The following NTN1 variants were observed in gnomAD, a reference collection of about 807,000 sequenced individuals.
NTN1 encodes the protein netrin-1.
NTN1 carries 11 observed loss-of-function variants against 54.2 expected under a neutral mutation model. The observed-to-expected ratio is 0.20, with a 90% confidence interval of 0.13 to 0.34. The LOEUF is 0.34. Ranked by LOEUF, NTN1 falls within the 10% of genes least tolerant of loss-of-function variation. The probability of loss-of-function intolerance (pLI) is 1.00; values close to 1 mark genes in which losing one functional copy is unlikely to be tolerated. For synonymous variants in NTN1, 371 were observed against 382.0 expected, an observed-to-expected ratio of 0.97 and a Z score of 0.33; for missense variants, 740 against 893.1, an observed-to-expected ratio of 0.83 and a Z score of 2.18.
At chr17:9,003,809 GA>G in the NTN1 span, among the ~76,000 whole-genome samples, 13 of 152,178 alleles carry the variant, frequency 8.5e-5, 1 homozygote, top group African/African-American at 4.8e-5. The surrounding 1 kb of genome is among the most constrained non-coding windows in gnomAD (Gnocchi z 7.4). Flanking sequence ...ACAGAGGTGG[GA>G]AGAAAGGCTT....
intron 2 of NTN1, among the ~76,000 whole-genome samples, chr17:9,147,017 C>A (rs1323274130): frequency 6.6e-6 from 1 of 152,158 alleles, no homozygotes; most frequent in Non-Finnish European, 1.5e-5. Flanking sequence ...AAGGCCTGTT[C>A]AGAGGATGTT....
intron 2 of NTN1, among the ~76,000 whole-genome samples, chr17:9,055,756 CT>C (rs1427394300): frequency 1.3e-5 from 2 of 152,136 alleles, no homozygotes; most frequent in Non-Finnish European, 2.9e-5. Context: ...GGGTCTCACT[CT>C]GTTGCCCACA....
chr17:9,234,611 G>A (rs1476087476), intron 6 of NTN1, among the ~76,000 whole-genome samples: 1 of 152,216 alleles, frequency 6.6e-6, no homozygotes, highest in Admixed American at 6.5e-5. Flanking sequence ...CCCTGGTTTT[G>A]TCTGCACTGA....
rs1032385462 is a variant in NTN1 at position 9,240,205 on chromosome 17, G to A, written c.*237G>A. On this transcript the variant is annotated 3_prime_UTR_variant, in exon 7 of 7. Transcript: ENST00000173229. ...GCGGGGCGGGGTGCGCCGCCGGCCG[G>A]GCCCTGGAGAAATGACGAGACGTAG... The A allele has an allele frequency of 6.3e-6, 1 of 159,218 alleles. No individual in the cohort carries two copies. Among genetic ancestry groups the A allele is most frequent in the African/African-American group, 2.4e-5 (1 of 41,532 alleles). 9.9% of individuals were successfully genotyped at this position (159,218 alleles called of 1,614,324 possible).
chr17:9,079,026 G>C (rs762216922), intron 2 of NTN1, among the ~76,000 whole-genome samples: 1 of 152,230 alleles, frequency 6.6e-6, no homozygotes. Context: ...TGGCTCCTCA[G>C]CCTCTCCCTC....
intron 2 of NTN1, among the ~76,000 whole-genome samples, chr17:9,026,187 A>G (rs1188090094): frequency 1.3e-5 from 2 of 152,210 alleles, no homozygotes; most frequent in African/African-American, 4.8e-5. Context: ...AAATTTACCA[A>G]TTTACCAATA....
At chr17:9,156,958 C>T (rs185523264) in intron 2 of NTN1, among the ~76,000 whole-genome samples, 1 of 151,238 alleles carries the variant, frequency 6.6e-6, no homozygotes, top group African/African-American at 2.4e-5. Context: ...GCATCCCTCC[C>T]TCCCTCCCTC....
intron 6 of NTN1, among the ~76,000 whole-genome samples, chr17:9,231,521 A>G (rs1905810887): frequency 6.6e-6 from 1 of 152,158 alleles, no homozygotes; most frequent in South Asian, 2.1e-4. Flanking sequence ...GTGTGTAGAG[A>G]GTGCATGGAT....
intron 5 of NTN1, among the ~76,000 whole-genome samples, chr17:9,216,188 C>A (rs775362170): frequency 6.6e-6 from 1 of 152,226 alleles, no homozygotes; most frequent in Non-Finnish European, 1.5e-5. Context: ...GAACTCCTAG[C>A]CTCAAGCGAT....
At chr17:9,106,487 T>C (rs75265373) in intron 2 of NTN1, among the ~76,000 whole-genome samples, 26 of 56,226 alleles carry the variant, frequency 4.6e-4, no homozygotes, top group East Asian at 2.0e-3. Context: ...CTTCCTTCCT[T>C]CCTTCCTTCC....
At chr17:9,134,606 G>C (rs925007854) in intron 2 of NTN1, among the ~76,000 whole-genome samples, 4 of 152,212 alleles carry the variant, frequency 2.6e-5, no homozygotes, top group African/African-American at 9.6e-5. Flanking sequence ...CTAACATGCA[G>C]CCGGGGCAGA....
intron 2 of NTN1, among the ~76,000 whole-genome samples, chr17:9,091,180 T>G (rs1408228793): frequency 6.6e-6 from 1 of 152,236 alleles, no homozygotes; most frequent in African/African-American, 2.4e-5. Context: ...AATGGAAACA[T>G]TTTATGTGTC....
At chr17:9,122,002 G>T (rs900628482) in intron 2 of NTN1, among the ~76,000 whole-genome samples, 1 of 151,758 alleles carries the variant, frequency 6.6e-6, no homozygotes, top group Non-Finnish European at 1.5e-5. Flanking sequence ...TTCTCTGTAC[G>T]CATTTGGGGT....
chr17:9,107,810 G>A (rs1324119763), intron 2 of NTN1, among the ~76,000 whole-genome samples: 1 of 152,066 alleles, frequency 6.6e-6, no homozygotes, highest in African/African-American at 2.4e-5. Context: ...AAAACTGCAT[G>A]GGCCGAAAAG....
chr17:9,167,648 A>G (rs1009681146), intron 3 of NTN1, among the ~76,000 whole-genome samples: 1 of 152,218 alleles, frequency 6.6e-6, no homozygotes, highest in African/African-American at 2.4e-5. Flanking sequence ...TAGCCAGGGC[A>G]AAAGCATGCA....
At chr17:9,090,814 C>T (rs1031241928) in intron 2 of NTN1, among the ~76,000 whole-genome samples, 2 of 152,160 alleles carry the variant, frequency 1.3e-5, no homozygotes, top group Non-Finnish European at 2.9e-5. Flanking sequence ...CTGGCAGGGC[C>T]TTGAGGAGGC....
At chr17:9,132,865 ACT>A (rs1446913899) in intron 2 of NTN1, among the ~76,000 whole-genome samples, 1 of 151,344 alleles carries the variant, frequency 6.6e-6, no homozygotes, top group African/African-American at 2.4e-5. Flanking sequence ...CAAGAGAGAA[ACT>A]CTGTTTCAAA....
intron 2 of NTN1, among the ~76,000 whole-genome samples, chr17:9,026,915 C>T (rs200388499): frequency 2.2e-5 from 2 of 91,824 alleles, no homozygotes; most frequent in Non-Finnish European, 5.5e-5. Flanking sequence ...CCAAAACCCA[C>T]ACAAAAGGTG....
At chr17:9,016,992 C>T (rs575541598), upstream of NTN1, among the ~76,000 whole-genome samples, 3 of 152,298 alleles carry the variant, frequency 2.0e-5, no homozygotes, top group East Asian at 5.8e-4. Flanking sequence ...CTCCCAGCTC[C>T]TCCCCCATCC....
Sources: gnomAD v4.1 joint callset for allele counts (sites outside exome capture counted in the v4.1 genomes callset) on GRCh38, gnomAD v4.1.1 for gene constraint, Gnocchi (gnomAD v3.1) non-coding constraint, MANE v1.5 for transcripts, NCBI Gene and HGNC (gene_info 2026-07-23, HGNC 2026-07-21) for gene names.